The following USP16 variants were observed in gnomAD, a reference collection of about 807,000 sequenced individuals.
The protein encoded by USP16 is ubiquitin carboxyl-terminal hydrolase 16.
USP16 carries 77 observed loss-of-function variants against 95.9 expected under a neutral mutation model. That is an observed-to-expected ratio of 0.80 (90% CI 0.67 to 0.97). USP16 has a LOEUF of 0.97. USP16 is among the 50% of genes least tolerant of loss of function. The probability of loss-of-function intolerance (pLI) is 0.00; values close to 1 mark genes in which losing one functional copy is unlikely to be tolerated. For synonymous variants in USP16, 303 were observed against 318.2 expected, an observed-to-expected ratio of 0.95 and a Z score of 0.51; for missense variants, 943 against 959.9, an observed-to-expected ratio of 0.98 and a Z score of 0.23.
At position 29,039,028 on chromosome 21, in the gene USP16, A is replaced by G; in HGVS notation, c.735A>G (p.Glu245=). ...GTAATTTCTTTTCCCATATTCAGGA[A>G]CCATTAGAAATAAACCTTGAGCCTC... ...KIEPPDLALT[E]PLEINLEPPG... is the part of the protein sequence containing the mutation. Residue 245 remains glutamate, a splice_region_variant and synonymous_variant, in exon 8 of 18, where the codon GAA becomes GAG. Coordinates refer to ENST00000399976, the MANE Select transcript of USP16 (RefSeq NM_006447.3). 4 of 1,522,370 alleles carry G rather than the reference A, an allele frequency of 2.6e-6. No individual in the cohort carries two copies. The highest frequency in any genetic ancestry group is 2.4e-5 in the East Asian group (1 of 41,316). 94.3% of individuals were successfully genotyped at this position (1,522,370 alleles called of 1,614,324 possible).
chr21:29,048,852 GCAGGTACTC>G lies in USP16; in HGVS notation c.2105_2106+7del, dbSNP rs1219952011. ...TTACTCTTCATTTAAAGAGATTTCA[GCAGGTACTC>G]CTTGTTACCCAAAATTTGTTTTAAA... On this transcript the variant is annotated splice_donor_variant and splice_donor_5th_base_variant and coding_sequence_variant and intron_variant, in exon 15 of 18. Coordinates refer to ENST00000399976, the MANE Select transcript of USP16 (RefSeq NM_006447.3). LOFTEE classifies it high-confidence loss of function. 2 of 1,611,674 alleles carry G rather than the reference GCAGGTACTC, an allele frequency of 1.2e-6. No homozygotes were observed. Among genetic ancestry groups the G allele is most frequent in the Non-Finnish European group, 1.7e-6 (2 of 1,179,052 alleles).
Position 29,053,324 on chromosome 21 carries a change from G to A in USP16, c.2194-478G>A, listed in dbSNP as rs947111636. ...AATAAGCAGCGTGCACTCTCTCGTG[G>A]GGAAAGTGAACACTTGAGAGGTTGA... On this transcript the variant is annotated intron_variant, in intron 16 of 17. Coordinates refer to ENST00000399976, the MANE Select transcript of USP16 (RefSeq NM_006447.3). The A allele has an allele frequency of 1.9e-5, 3 of 154,664 alleles. No homozygotes were observed. The East Asian group carries it at 5.8e-4, about 30-fold the overall frequency. The allele number at this position is 154,664 out of a possible 1,614,324, so 9.6% of individuals were successfully genotyped here. A position where few individuals can be genotyped will look rare whatever the true frequency, so the allele number is the denominator to read the frequency against.
Position 29,037,421 on chromosome 21 carries a change from C to T in USP16, c.594C>T (p.Leu198=), listed in dbSNP as rs748693188. ...CTTGCCAAATAACCGTGAAAGGACT[C>T]AGTAATTTGGGAAACACATGTTTCT... ...NSPCQITVKG[L]SNLGNTCFFN... is the part of the protein sequence containing the mutation. The change falls in exon 6 of 18, where the codon CTC becomes CTT. Residue 198 remains leucine, a synonymous_variant. Transcript: ENST00000399976. 6 of 1,601,170 alleles carry T rather than the reference C, an allele frequency of 3.7e-6. No individual in the cohort carries two copies. The highest frequency in any genetic ancestry group is 5.1e-6 in the Non-Finnish European group (6 of 1,176,112).
rs1173029870 is a variant in USP16, at chr21:29,054,321, A to G, written c.*134A>G. 1 of 1,152,750 alleles carries G rather than the reference A, an allele frequency of 8.7e-7. No individual in the cohort carries two copies. Among genetic ancestry groups the G allele is most frequent in the African/African-American group, 1.6e-5 (1 of 64,118 alleles). 71.4% of individuals were successfully genotyped at this position (1,152,750 alleles called of 1,614,324 possible). A position where few individuals can be genotyped will look rare whatever the true frequency, so the allele number is the denominator to read the frequency against. On this transcript the variant is annotated 3_prime_UTR_variant, in exon 18 of 18. Coordinates refer to ENST00000399976, the MANE Select transcript of USP16 (RefSeq NM_006447.3). ...GCCAGAAGAAATCATGTTTATTTAA[A>G]TATTGAAGGGAAAAATACCTAAAAA... is the stretch of plus-strand genomic sequence containing the variant.
At position 29,034,918 on chromosome 21, in the gene USP16, A is replaced by G; in HGVS notation, c.322A>G (p.Ser108Gly). 1.9e-6 allele frequency: 3 copies of G among 1,614,056 alleles called. No homozygotes were observed. The highest frequency in any genetic ancestry group is 2.5e-6 in the Non-Finnish European group (3 of 1,179,938). ...ATCTGAACCTCACTGTCTGGTTCTT[A>G]GTTTGGACAACTGGAGTGTATGGTG... Reference protein sequence around the residue: ...PRSEPHCLVLSLDNWSVWCYV... With the variant: ...PRSEPHCLVLGLDNWSVWCYV... Residue 108 changes from serine (S) to glycine (G), a missense_variant, in exon 4 of 18, where the codon AGT becomes GGT. Coordinates refer to ENST00000399976, the MANE Select transcript of USP16 (RefSeq NM_006447.3).
chr21:29,042,920 A>G (rs1284820980), intron 12 of USP16: 1 of 162,160 alleles, frequency 6.2e-6, no homozygotes, highest in East Asian at 1.8e-4. Context: ...GTAGGAAAAA[A>G]GAAGAGATGT....
In USP16 at chr21:29,048,769, A is replaced by T. The variant is rs2085369016; in HGVS notation, c.2020A>T (p.Lys674Ter). Residue 674 changes from lysine to a stop codon, truncating the protein, a stop_gained, in exon 15 of 18, where the codon AAG becomes TAG. Transcript: ENST00000399976. LOFTEE classifies it high-confidence loss of function. ...GPKANIKGERKHVYTNAKKQM... is the reference protein window; with the variant it reads ...GPKANIKGER ...TTTCTTCTTTTCTTTAGGTGAAAGG[A>T]AGCATGTTTACACCAATGCCAAAAA... 6.2e-7 allele frequency: 1 copy of T among 1,613,120 alleles called. No homozygotes were observed. The highest frequency in any genetic ancestry group is 1.1e-5 in the South Asian group (1 of 91,034).
chr21:29,037,546 C>G, intron 6 of USP16, 83 bp downstream of exon 6: 1 of 1,061,264 alleles, frequency 9.4e-7, no homozygotes, highest in Non-Finnish European at 1.3e-6. Flanking sequence ...TTTTTTCCAC[C>G]TGAGTAATTT....
At chr21:29,040,581 A>G in intron 9 of USP16, 28 bp from the exon 10 acceptor site, 2 of 1,026,722 alleles carry the variant, frequency 1.9e-6, no homozygotes, top group Middle Eastern at 3.0e-4. Flanking sequence ...ATTTAATAGT[A>G]TATATATATC....
intron 13 of USP16, among the ~76,000 whole-genome samples, 186 bp from the exon 14 acceptor site, chr21:29,046,481 A>G (rs1276528724): frequency 6.6e-6 from 1 of 152,076 alleles, no homozygotes; most frequent in African/African-American, 2.4e-5. Context: ...CCTTGATAGC[A>G]AAGGAACTTT....
chr21:29,045,769 G>A (rs2085312872), intron 13 of USP16, among the ~76,000 whole-genome samples: 1 of 151,906 alleles, frequency 6.6e-6, no homozygotes, highest in Admixed American at 6.6e-5. Context: ...GTTTTTTGAT[G>A]GTTGGTGATG....
In USP16 at chr21:29,038,269, TAAG is replaced by T. The variant is rs56703875; in HGVS notation, c.637-62_637-60del. 4.7e-3 allele frequency: 5,120 copies of T among 1,083,570 alleles called. 160 individuals are homozygous for T. In the African/African-American group the frequency reaches 0.07, roughly 15 times the overall value. 67.1% of individuals were successfully genotyped at this position (1,083,570 alleles called of 1,614,324 possible). A position where few individuals can be genotyped will look rare whatever the true frequency, so the allele number is the denominator to read the frequency against. On this transcript the variant is annotated intron_variant, in intron 6 of 17. Coordinates refer to ENST00000399976, the MANE Select transcript of USP16 (RefSeq NM_006447.3). The stretch of plus-strand genomic sequence containing the variant: ...TTTCTGTTTTGATAGAATAGACACT[TAAG>T]AAGTGTCAGAGTTGATTTGCCTTTA...
chr21:29,043,145 GAC>G (rs1368914594), intron 12 of USP16: 2 of 210,676 alleles, frequency 9.5e-6, no homozygotes, highest in Admixed American at 5.9e-5. Flanking sequence ...TTTACAGTGT[GAC>G]ACAGCATGTA....
intron 5 of USP16, 90 bp from the exon 6 acceptor site, chr21:29,037,186 C>A: frequency 1.3e-6 from 1 of 769,454 alleles, no homozygotes; most frequent in Non-Finnish European, 1.8e-6. Context: ...TTCAGGTAAA[C>A]TCACAAACTC....
intron 3 of USP16, among the ~76,000 whole-genome samples, chr21:29,032,881 ATTC>A (rs961540573): frequency 4.6e-5 from 7 of 152,122 alleles, no homozygotes; most frequent in Non-Finnish European, 8.8e-5. Context: ...TACCTTTTAT[ATTC>A]TTACTAGCAG....
intron 15 of USP16, among the ~76,000 whole-genome samples, chr21:29,049,637 G>A (rs922059231): frequency 6.6e-6 from 1 of 152,156 alleles, no homozygotes; most frequent in Non-Finnish European, 1.5e-5. Flanking sequence ...ATGGCTCACT[G>A]AAGGTTTGAC....
rs185154856 is a variant in USP16 at position 29,026,082 on chromosome 21, G to A, written c.-42+1305G>A. Among the ~76,000 whole-genome samples the A allele has an allele frequency of 4.5e-4, 69 of 152,262 alleles. No individual in the cohort carries two copies. In the East Asian group the frequency reaches 0.012, roughly 26 times the overall value. On this transcript the variant is annotated intron_variant, in intron 1 of 17. Coordinates refer to ENST00000399976, the MANE Select transcript of USP16 (RefSeq NM_006447.3). ...CTTGAAATGGAGAGCTTCCAAGATT[G>A]GTAAGATTTAGATAGAATATTACAG...
At position 29,047,400 on chromosome 21, in the gene USP16, T is replaced by C. The variant is rs1436953629; in HGVS notation, c.2011+79T>C. On this transcript the variant is annotated intron_variant, in intron 14 of 17. Transcript: ENST00000399976. ...ACTGCATAGGTAGAGTACTCCTAAT[T>C]GTATCAGGATTTGGATGGCATGAAT... The C allele has an allele frequency of 2.1e-6, 3 of 1,418,704 alleles. No homozygotes were observed. In the East Asian group the frequency reaches 7.1e-5, roughly 34 times the overall value. 87.9% of individuals were successfully genotyped at this position (1,418,704 alleles called of 1,614,324 possible).
At position 29,041,984 on chromosome 21, in the gene USP16, G is replaced by T. The variant is rs761460283; in HGVS notation, c.1031-29G>T. The T allele has an allele frequency of 5.7e-6, 9 of 1,568,536 alleles. 1 individual carries two copies. In the South Asian group the frequency reaches 8.9e-5, roughly 16 times the overall value. On this transcript the variant is annotated intron_variant, in intron 10 of 17. Transcript: ENST00000399976. ...TTAATTAATTATATAACGGTAATTG[G>T]TAATTGATAGACTTTTTTTTCTCCA...
Sources: gnomAD v4.1 joint callset for allele counts (sites outside exome capture counted in the v4.1 genomes callset) on GRCh38, gnomAD v4.1.1 for gene constraint, MANE v1.5 for transcripts, NCBI Gene and HGNC (gene_info 2026-07-23, HGNC 2026-07-21) for gene names.